WRN: variants seen among roughly 807,000 people sequenced by gnomAD.
WRN encodes WRN RecQ like helicase.
WRN carries 149 observed loss-of-function variants against 180.7 expected under a neutral mutation model. The observed-to-expected ratio is 0.82, with a 90% CI of 0.72 to 0.94. The LOEUF (loss-of-function observed/expected upper bound fraction) is 0.94. Among genes scored for constraint, WRN ranks in the 40% least tolerant of loss-of-function variants. WRN has a pLI of 0.00. For missense variants in WRN, 1,661 were observed against 1,700.1 expected, an observed-to-expected ratio of 0.98 and a Z score of 0.40; for synonymous variants, 548 against 568.9, an observed-to-expected ratio of 0.96 and a Z score of 0.52.
intron 23 of WRN, chr8:31,131,644 A>AC (rs1440203899): frequency 6.5e-6 from 1 of 153,354 alleles, no homozygotes; most frequent in African/African-American, 2.4e-5. Context: ...TCAAATTGAA[A>AC]CCTGATCTGC....
chr8:31,104,787 G>T (rs1801029385), intron 18 of WRN, among the ~76,000 whole-genome samples: 1 of 152,194 alleles, frequency 6.6e-6, no homozygotes, highest in South Asian at 2.1e-4. Flanking sequence ...TTGCCCCTTT[G>T]TTGAAAGTCA....
Position 31,088,872 on chromosome 8 carries a change from A to G in WRN, c.1577-18A>G. The G allele has an allele frequency of 6.2e-7, 1 of 1,600,830 alleles. No homozygotes were observed. The highest frequency in any genetic ancestry group is 8.5e-7 in the Non-Finnish European group (1 of 1,171,872). On this transcript the variant is annotated intron_variant, in intron 12 of 34. Transcript: ENST00000298139. The stretch of plus-strand genomic sequence containing the variant: ...TTTTTCTACTTGAACATAAATGCAC[A>G]TTTTATTTTATTTCCAGACTTTTTG...
chr8:31,098,125 A>T (rs533005020), intron 17 of WRN, among the ~76,000 whole-genome samples: 1 of 152,294 alleles, frequency 6.6e-6, no homozygotes, highest in East Asian at 1.9e-4. Context: ...ATATATTAGC[A>T]ATGAGTACAT....
chr8:31,097,615 T>G (rs1814041751), intron 17 of WRN, among the ~76,000 whole-genome samples: 1 of 152,238 alleles, frequency 6.6e-6, no homozygotes, highest in South Asian at 2.1e-4. Flanking sequence ...TCTCTACAAA[T>G]AATTTTTTAA....
intron 8 of WRN, among the ~76,000 whole-genome samples, chr8:31,078,545 T>C (rs2130106889): frequency 6.6e-6 from 1 of 152,292 alleles, no homozygotes; most frequent in African/African-American, 2.4e-5. Context: ...CAGCTGACAA[T>C]CTGAAAGAGT....
chr8:31,116,599 C>A, intron 20 of WRN, 71 bp downstream of exon 20: 1 of 1,584,370 alleles, frequency 6.3e-7, no homozygotes, highest in East Asian at 2.2e-5. Flanking sequence ...TGTTTATTTA[C>A]CAGATCTTTA....
chr8:31,160,372 C>T (rs193106707), intron 33 of WRN, among the ~76,000 whole-genome samples: 57 of 152,324 alleles, frequency 3.7e-4, no homozygotes, highest in African/African-American at 1.3e-3. Flanking sequence ...AGCTGTAAAA[C>T]ATCCAAGGTA....
intron 1 of WRN, among the ~76,000 whole-genome samples, chr8:31,037,253 A>G (rs922295857): frequency 3.3e-5 from 5 of 152,230 alleles, no homozygotes; most frequent in African/African-American, 4.8e-5. Flanking sequence ...CGCAATTCAC[A>G]GTAGGTTTTG....
chr8:31,173,454 G>T lies in WRN; in HGVS notation c.*352G>T. 1 of 231,056 alleles carries T rather than the reference G, an allele frequency of 4.3e-6. No homozygotes were observed. The allele number at this position is 231,056 out of a possible 1,614,324, so 14.3% of individuals were successfully genotyped here. ...ATAGATAACAGATTAGTAGTTACAT[G>T]GTAATTATGTGATATAAAATATTCA... On this transcript the variant is annotated 3_prime_UTR_variant, in exon 35 of 35. Coordinates refer to ENST00000298139, the MANE Select transcript of WRN (RefSeq NM_000553.6).
intron 32 of WRN, 37 bp from the exon 33 acceptor site, chr8:31,157,331 T>C (rs1412905347): frequency 2.2e-5 from 36 of 1,612,074 alleles, no homozygotes; most frequent in Non-Finnish European, 3.1e-5. Flanking sequence ...GTGGACACTT[T>C]TACAACTCAC....
intron 21 of WRN, among the ~76,000 whole-genome samples, chr8:31,123,031 G>A (rs868471357): frequency 1.3e-5 from 2 of 151,760 alleles, no homozygotes; most frequent in Middle Eastern, 3.2e-3. Flanking sequence ...TCACAACCAC[G>A]TCCAAAATGT....
chr8:31,076,648 G>T (rs1046608709), intron 8 of WRN, among the ~76,000 whole-genome samples: 20 of 152,078 alleles, frequency 1.3e-4, no homozygotes, highest in African/African-American at 4.6e-4. Flanking sequence ...TTCTGTTAAT[G>T]AGTATCTTTG....
At chr8:31,094,962 C>A (rs11574252) in intron 16 of WRN, among the ~76,000 whole-genome samples, 6 of 152,090 alleles carry the variant, frequency 3.9e-5, no homozygotes, top group Non-Finnish European at 7.4e-5. Context: ...ACATTTTCAA[C>A]GCTTTTGCAT....
intron 5 of WRN, among the ~76,000 whole-genome samples, chr8:31,066,208 CAG>C (rs1812693774): frequency 6.6e-6 from 1 of 150,530 alleles, no homozygotes; most frequent in African/African-American, 2.4e-5. Flanking sequence ...CTTTTTGAGA[CAG>C]AGTCTTGCTC....
chr8:31,076,970 G>A (rs1413517973), intron 8 of WRN, among the ~76,000 whole-genome samples: 1 of 152,132 alleles, frequency 6.6e-6, no homozygotes, highest in African/African-American at 2.4e-5. Flanking sequence ...TCTAAAAGCA[G>A]GAATGCTCTG....
chr8:31,046,059 C>T (rs1458014773), intron 1 of WRN, among the ~76,000 whole-genome samples: 2 of 151,892 alleles, frequency 1.3e-5, no homozygotes, highest in Admixed American at 6.6e-5. Flanking sequence ...GTCATTTTTG[C>T]TGTTACTGAT....
chr8:31,150,544 A>T, intron 31 of WRN, 89 bp downstream of exon 31: 1 of 1,111,694 alleles, frequency 9.0e-7, no homozygotes, highest in South Asian at 1.3e-5. Context: ...ACATTTGCTC[A>T]CTTTATTTGC....
chr8:31,073,244 A>G (rs952676424), intron 7 of WRN, among the ~76,000 whole-genome samples: 1 of 152,244 alleles, frequency 6.6e-6, no homozygotes, highest in Non-Finnish European at 1.5e-5. Flanking sequence ...AGCAATAGAC[A>G]ATAATTGTTT....
At chr8:31,127,627 A>G (rs894930793) in intron 23 of WRN, among the ~76,000 whole-genome samples, 5 of 152,206 alleles carry the variant, frequency 3.3e-5, no homozygotes, top group African/African-American at 7.2e-5. Flanking sequence ...AACAAACAGT[A>G]ACTTGCTGGT....
Sources: allele counts gnomAD v4.1 joint callset (sites outside exome capture counted in the v4.1 genomes callset), GRCh38; gene constraint gnomAD v4.1.1; transcripts MANE v1.5; gene names NCBI Gene and HGNC (gene_info 2026-07-23, HGNC 2026-07-21).